Variants in FER observed in about 807,000 individuals in gnomAD.
The protein encoded by FER is tyrosine-protein kinase Fer.
In FER, 63 loss-of-function variants were observed where a neutral mutation model predicts 111.0. The observed-to-expected ratio is 0.57, with a 90% CI of 0.46 to 0.70. FER has a LOEUF of 0.70. Ranked by LOEUF, FER falls within the 30% of genes least tolerant of loss-of-function variation. The probability of loss-of-function intolerance (pLI) is 0.00; values close to 1 mark genes in which losing one functional copy is unlikely to be tolerated. For synonymous variants in FER, 327 were observed against 313.9 expected, an observed-to-expected ratio of 1.04 and a Z score of -0.44; for missense variants, 914 against 954.0, an observed-to-expected ratio of 0.96 and a Z score of 0.55.
At chr5:108,868,765 A>C (rs1249018740) in intron 6 of FER, among the ~76,000 whole-genome samples, 2 of 152,142 alleles carry the variant, frequency 1.3e-5, no homozygotes, top group African/African-American at 4.8e-5. Context: ...AAGTATGAGA[A>C]AAGGAACTTG....
chr5:108,908,691 A>T (rs564612026), intron 10 of FER, among the ~76,000 whole-genome samples: 1 of 150,998 alleles, frequency 6.6e-6, no homozygotes, highest in South Asian at 2.1e-4. Context: ...ATTGCACTCT[A>T]GCCTGGGCGA....
At chr5:109,146,253 AATATATATATAT>A (rs6149172) in intron 17 of FER, among the ~76,000 whole-genome samples, 1,200 of 42,124 alleles carry the variant, frequency 0.028, 91 homozygotes, top group Non-Finnish European at 0.04. Flanking sequence ...TAATCTATCT[AATATATATATAT>A]ATATATATAT....
At chr5:108,748,810 G>A (rs1404068967) in intron 1 of FER, among the ~76,000 whole-genome samples, 3 of 152,222 alleles carry the variant, frequency 2.0e-5, no homozygotes, top group African/African-American at 7.2e-5. Context: ...TGAGGGCCGG[G>A]CGGCTGCGCC....
chr5:109,015,075 A>C (rs988812812), intron 13 of FER: 2 of 152,144 alleles, frequency 1.3e-5, no homozygotes, highest in African/African-American at 4.8e-5. Context: ...CAATCTAGTT[A>C]TAGAAAAAAG....
intron 17 of FER, among the ~76,000 whole-genome samples, chr5:109,162,332 T>C (rs1756080503): frequency 6.6e-6 from 1 of 152,160 alleles, no homozygotes; most frequent in Non-Finnish European, 1.5e-5. Context: ...TGGATATTAA[T>C]AGAAATGCCA....
chr5:109,100,185 G>A (rs76343618), intron 16 of FER, among the ~76,000 whole-genome samples: 1,815 of 151,680 alleles, frequency 0.012, 42 homozygotes, highest in African/African-American at 0.041. Context: ...GTACTTAAAC[G>A]GTATCTAGAA....
intron 17 of FER, among the ~76,000 whole-genome samples, chr5:109,124,487 C>T (rs1751411220): frequency 6.6e-6 from 1 of 152,182 alleles, no homozygotes; most frequent in Non-Finnish European, 1.5e-5. Flanking sequence ...CTCCTCTCTT[C>T]CTCTGTATTC....
In FER at chr5:108,832,798, A is replaced by T. The variant is rs1250670524; in HGVS notation, c.236A>T (p.Glu79Val). 6.4e-7 allele frequency: 1 copy of T among 1,558,902 alleles called. No homozygotes were observed. Among genetic ancestry groups the T allele is most frequent in the South Asian group, 1.2e-5 (1 of 80,248 alleles). The change falls in exon 4 of 20, where the codon GAA (glutamate) becomes GTA (valine). Residue 79 changes from glutamate to valine, a missense_variant. Glu to Val is a moderately radical substitution (Grantham distance 121). Coordinates refer to ENST00000281092, the MANE Select transcript of FER (RefSeq NM_005246.4). The part of the protein sequence containing the change: ...KSWLLMIQQT[E>V]QLSRIMKTHA... Reference sequence around the variant, plus strand: ...TGGCTACTTATGATTCAGCAGACAGAACAACTTAGTAGGATAATGAAGACA... The same window carrying T: ...TGGCTACTTATGATTCAGCAGACAGTACAACTTAGTAGGATAATGAAGACA...
intron 2 of FER, among the ~76,000 whole-genome samples, chr5:108,794,526 A>AACCCCCCCCCCCCC (rs1755778227): frequency 9.4e-6 from 1 of 106,354 alleles, no homozygotes. Flanking sequence ...CCCCCTCCGC[A>AACCCCCCCCCCCCC]CCCCCCCCCC....
Position 109,193,299 on chromosome 5 carries a change from T to C in FER, c.*5724T>C, listed in dbSNP as rs527754250. The C allele has an allele frequency of 8.5e-4, 130 of 152,290 alleles. No individual in the cohort carries two copies. The highest frequency in any genetic ancestry group is 2.9e-3 in the African/African-American group (119 of 41,570). 9.4% of individuals were successfully genotyped at this position (152,290 alleles called of 1,614,324 possible). A position where few individuals can be genotyped will look rare whatever the true frequency, so the allele number is the denominator to read the frequency against. ...AGCAAGCTGAGTAATGGCACACATA[T>C]GTCTAGGATAGCCAGCATTCAGGAA... On this transcript the variant is annotated 3_prime_UTR_variant, in exon 20 of 20. Transcript: ENST00000281092.
intron 17 of FER, among the ~76,000 whole-genome samples, chr5:109,103,653 G>A (rs1255953730): frequency 1.3e-5 from 2 of 152,132 alleles, no homozygotes; most frequent in African/African-American, 4.8e-5. Context: ...AAACTATTCT[G>A]TAGGCCAGTG....
intron 8 of FER, among the ~76,000 whole-genome samples, chr5:108,875,584 T>G (rs1765005803): frequency 6.6e-6 from 1 of 152,144 alleles, no homozygotes; most frequent in Non-Finnish European, 1.5e-5. Context: ...GTAAAGTCCA[T>G]ACAATTTTGA....
chr5:108,976,467 C>G (rs1159146595), intron 13 of FER, among the ~76,000 whole-genome samples: 3 of 152,032 alleles, frequency 2.0e-5, no homozygotes, highest in East Asian at 1.9e-4. Context: ...TTCCTTTGTT[C>G]CCTTTCCTTT....
At position 108,870,294 on chromosome 5, in the gene FER, G is replaced by A. The variant is rs1200886878; in HGVS notation, c.666-1071G>A. ...TGTTTTTCATTTTTCCTCCCCATTT[G>A]TATTAAAGGTAAATGTTAATGATCT... On this transcript the variant is annotated intron_variant, in intron 6 of 19. Coordinates refer to ENST00000281092, the MANE Select transcript of FER (RefSeq NM_005246.4). 3.3e-5 allele frequency among the ~76,000 whole-genome samples: 5 copies of A among 151,884 alleles called. No individual in the cohort carries two copies. The East Asian group carries it at 7.7e-4, about 23-fold the overall frequency.
chr5:108,949,275 T>G (rs1233794908), intron 11 of FER, among the ~76,000 whole-genome samples: 1 of 152,086 alleles, frequency 6.6e-6, no homozygotes, highest in Non-Finnish European at 1.5e-5. Flanking sequence ...AAAGCGGCCT[T>G]GTACTTTCTT....
chr5:108,884,165 A>T (rs762201671), intron 9 of FER, among the ~76,000 whole-genome samples: 1 of 151,932 alleles, frequency 6.6e-6, no homozygotes, highest in Non-Finnish European at 1.5e-5. Flanking sequence ...GGTTTTTCTA[A>T]TCCTGACTAG....
intron 13 of FER, among the ~76,000 whole-genome samples, chr5:108,978,654 G>A (rs904873421): frequency 6.6e-6 from 1 of 152,102 alleles, no homozygotes; most frequent in African/African-American, 2.4e-5. Context: ...TTGATCCATT[G>A]TGGCACATAA....
chr5:108,787,140 T>C (rs1255644313), intron 2 of FER, among the ~76,000 whole-genome samples: 1 of 152,126 alleles, frequency 6.6e-6, no homozygotes, highest in Non-Finnish European at 1.5e-5. Flanking sequence ...TGAAAGTGCC[T>C]GCTCTCACCC....
Position 108,954,820 on chromosome 5 carries a change from TA to T in FER, c.1428del (p.Lys476AsnfsTer53). The T allele has an allele frequency of 6.2e-7, 1 of 1,612,500 alleles. No individual in the cohort carries two copies. The highest frequency in any genetic ancestry group is 8.5e-7 in the Non-Finnish European group (1 of 1,179,164). On this transcript the variant is annotated frameshift_variant, in exon 12 of 20. Transcript: ENST00000281092. LOFTEE classifies it high-confidence loss of function. ...AIPRIEAQEL[L>X]KKQGDFLVRE... ...CCCAGAATAGAAGCTCAAGAACTGT[TA>T]AAAAAACAAGGAGACTTTTTGGTGC...
Sources: allele counts gnomAD v4.1 joint callset (sites outside exome capture counted in the v4.1 genomes callset), GRCh38; gene constraint gnomAD v4.1.1; transcripts MANE v1.5; gene names NCBI Gene and HGNC (gene_info 2026-07-23, HGNC 2026-07-21).